The following CCDC34 variants were observed in gnomAD, a reference collection of about 807,000 sequenced individuals.
CCDC34 encodes coiled-coil domain containing 34.
A neutral mutation model predicts 44.1 loss-of-function variants in CCDC34; 40 were observed. That is an observed-to-expected ratio of 0.91 (90% confidence interval 0.70 to 1.18). The LOEUF (loss-of-function observed/expected upper bound fraction) is 1.18. CCDC34 is among the 50% of genes most tolerant of loss of function. CCDC34 has a pLI of 0.00. For missense variants in CCDC34, 466 were observed against 452.3 expected, an observed-to-expected ratio of 1.03 and a Z score of -0.28; for synonymous variants, 159 against 158.2, an observed-to-expected ratio of 1.01 and a Z score of -0.04.
intron 3 of CCDC34, among the ~76,000 whole-genome samples, chr11:27,344,971 C>A (rs1862412301): frequency 6.6e-6 from 1 of 152,056 alleles, no homozygotes; most frequent in South Asian, 2.1e-4. Flanking sequence ...ACTATACTAA[C>A]AAGTTAGTGT....
At chr11:27,339,426 GT>G (rs1401586318) in intron 5 of CCDC34, among the ~76,000 whole-genome samples, 1 of 152,132 alleles carries the variant, frequency 6.6e-6, no homozygotes, top group Non-Finnish European at 1.5e-5. Flanking sequence ...AGATACTGAA[GT>G]TTACAGAAAA....
chr11:27,350,439 C>A lies in CCDC34; in HGVS notation c.499G>T (p.Glu167Ter). Reference protein sequence around the residue: ...RDRLQLKALEELNQQLEKRKE... With the variant: ...RDRLQLKALE ...CTTTTTTCTAGTTGTTGATTTAATTCCTGTGGATTTTATTTAGACAAAAGG... is the reference window on the plus strand; with the variant it reads ...CTTTTTTCTAGTTGTTGATTTAATTACTGTGGATTTTATTTAGACAAAAGG... Residue 167 changes from glutamate (E) to a stop codon, truncating the protein, a stop_gained and splice_region_variant, in exon 3 of 6, where the codon GAA (glutamate) becomes TAA (stop). Coordinates refer to ENST00000328697, the MANE Select transcript of CCDC34 (RefSeq NM_030771.2). LOFTEE classifies it high-confidence loss of function. 1 of 1,592,648 alleles carries A rather than the reference C, an allele frequency of 6.3e-7. No individual in the cohort carries two copies. The highest frequency in any genetic ancestry group is 1.1e-5 in the South Asian group (1 of 88,358).
intron 2 of CCDC34, among the ~76,000 whole-genome samples, chr11:27,354,889 C>T (rs907778484): frequency 6.6e-6 from 1 of 152,034 alleles, no homozygotes; most frequent in Non-Finnish European, 1.5e-5. Context: ...AGAATTTACA[C>T]TTTTAACTAC....
chr11:27,348,520 TAC>T (rs1306772449), intron 3 of CCDC34, among the ~76,000 whole-genome samples: 1 of 152,208 alleles, frequency 6.6e-6, no homozygotes, highest in African/African-American at 2.4e-5. Context: ...CTTAAGAATT[TAC>T]AGTCATATTA....
chr11:27,363,058 T>C lies in CCDC34; in HGVS notation c.137A>G (p.Glu46Gly), dbSNP rs773782723. ...CGGCGGCGACGGCGAGCGCACCACC[T>C]CCAGCCCCTGCCCACGTGCGCCCGT... ...PMTGARGQGL[E>G]VVRSPSPPLP... The change falls in exon 1 of 6, where the codon GAG becomes GGG. Residue 46 changes from glutamate (E) to glycine (G), a missense_variant. By Grantham distance (98) the Glu-to-Gly change is moderately conservative (BLOSUM62 -2). Transcript: ENST00000328697. 1.2e-6 allele frequency: 2 copies of C among 1,613,282 alleles called. No homozygotes were observed. Among genetic ancestry groups the C allele is most frequent in the Non-Finnish European group, 8.5e-7 (1 of 1,179,696 alleles).
chr11:27,359,148 ATCTT>A (rs142497636), intron 1 of CCDC34, among the ~76,000 whole-genome samples: 6,888 of 152,122 alleles, frequency 0.045, 253 homozygotes, highest in Non-Finnish European at 0.064. Context: ...CTCAAATGTT[ATCTT>A]TCTATCATGT....
chr11:27,346,939 A>G (rs2133342001), intron 3 of CCDC34, among the ~76,000 whole-genome samples: 1 of 152,300 alleles, frequency 6.6e-6, no homozygotes, highest in Admixed American at 6.5e-5. Context: ...GGGACATAAA[A>G]AGACAGCCGT....
intron 3 of CCDC34, 64 bp downstream of exon 3, chr11:27,350,268 T>A (rs1199563995): frequency 1.2e-6 from 2 of 1,601,464 alleles, no homozygotes; most frequent in South Asian, 1.1e-5. Flanking sequence ...GGTAATGAAG[T>A]ATAATAGGAA....
chr11:27,350,050 CT>C (rs1862483661), intron 3 of CCDC34: 1 of 1,259,964 alleles, frequency 7.9e-7, no homozygotes, highest in Non-Finnish European at 1.0e-6. Flanking sequence ...CTTGGAGGCA[CT>C]TGCCATAAGG....
chr11:27,362,258 T>C (rs1487273942), intron 1 of CCDC34, among the ~76,000 whole-genome samples: 1 of 152,206 alleles, frequency 6.6e-6, no homozygotes, highest in African/African-American at 2.4e-5. Flanking sequence ...AATAACCCCA[T>C]TGGTCCTAAC....
At chr11:27,355,753 C>T (rs891127575) in intron 2 of CCDC34, among the ~76,000 whole-genome samples, 1 of 152,132 alleles carries the variant, frequency 6.6e-6, no homozygotes, top group Admixed American at 6.5e-5. Context: ...CTTTCTCAAG[C>T]CCTGTGTACT....
chr11:27,345,233 GA>G (rs1862415896), intron 3 of CCDC34, among the ~76,000 whole-genome samples: 1 of 152,146 alleles, frequency 6.6e-6, no homozygotes, highest in Non-Finnish European at 1.5e-5. Context: ...GCTTCTGGAA[GA>G]AAACAGTGGA....
chr11:27,354,748 G>A (rs910899650), intron 2 of CCDC34, among the ~76,000 whole-genome samples: 6 of 138,200 alleles, frequency 4.3e-5, no homozygotes, highest in Admixed American at 1.7e-4. Context: ...TGTGCCTACA[G>A]TCCCAGCTAC....
chr11:27,350,054 C>A, intron 3 of CCDC34: 1 of 1,274,440 alleles, frequency 7.8e-7, no homozygotes, highest in East Asian at 3.0e-5. Flanking sequence ...GAGGCACTTG[C>A]CATAAGGATC....
In CCDC34 at chr11:27,340,683, C is replaced by T; in HGVS notation, c.907+13G>A. 1 of 1,603,920 alleles carries T rather than the reference C, an allele frequency of 6.2e-7. No homozygotes were observed. The highest frequency in any genetic ancestry group is 8.5e-7 in the Non-Finnish European group (1 of 1,176,160). ...AACCATATTTATGTAAGCCACACAA[C>T]ATAAAAACCAACCTGTAAGTTTTCC... On this transcript the variant is annotated intron_variant, in intron 5 of 5. Coordinates refer to ENST00000328697, the MANE Select transcript of CCDC34 (RefSeq NM_030771.2).
chr11:27,353,549 A>C (rs548977519), intron 2 of CCDC34, among the ~76,000 whole-genome samples: 2 of 152,262 alleles, frequency 1.3e-5, no homozygotes, highest in African/African-American at 4.8e-5. Flanking sequence ...AATTGATTCA[A>C]TATTTACCAT....
rs1418746348 is a variant in CCDC34 at position 27,354,546 on chromosome 11, T to G, written c.498+2857A>C. On this transcript the variant is annotated intron_variant, in intron 2 of 5. Transcript: ENST00000328697. ...AAGGATTTGCCCAAAGTCCAAATTTTGAATGCAGGAAGTATGGCTCAAGAA... is the reference window on the plus strand; with the variant it reads ...AAGGATTTGCCCAAAGTCCAAATTTGGAATGCAGGAAGTATGGCTCAAGAA... Among the ~76,000 whole-genome samples the G allele has an allele frequency of 3.9e-5, 6 of 152,124 alleles. No homozygotes were observed. The East Asian group carries it at 9.7e-4, about 25-fold the overall frequency.
At chr11:27,345,332 C>T (rs556713410) in intron 3 of CCDC34, among the ~76,000 whole-genome samples, 2 of 152,034 alleles carry the variant, frequency 1.3e-5, no homozygotes, top group South Asian at 2.1e-4. Context: ...ATGTGCACAA[C>T]GTGCAGGTTT....
chr11:27,362,228 A>C (rs533093724), intron 1 of CCDC34, among the ~76,000 whole-genome samples: 2 of 152,320 alleles, frequency 1.3e-5, no homozygotes, highest in South Asian at 4.1e-4. Flanking sequence ...CAGTAGAAAT[A>C]AACAAATTAA....
Sources: gnomAD v4.1 joint callset for allele counts (sites outside exome capture counted in the v4.1 genomes callset) on GRCh38, gnomAD v4.1.1 for gene constraint, MANE v1.5 for transcripts, NCBI Gene and HGNC (gene_info 2026-07-23, HGNC 2026-07-21) for gene names.